Variants in BANK1 observed in about 807,000 individuals in gnomAD.
BANK1 encodes B cell scaffold protein with ankyrin repeats 1.
BANK1 carries 95 observed loss-of-function variants against 94.5 expected under a neutral mutation model. The observed-to-expected ratio is 1.00, with a 90% confidence interval of 0.85 to 1.19. BANK1 has a LOEUF of 1.19. Among genes scored for constraint, BANK1 ranks in the 50% most tolerant of loss-of-function variants. BANK1 has a pLI of 0.00. For missense variants in BANK1, 987 were observed against 932.2 expected, an observed-to-expected ratio of 1.06 and a Z score of -0.77; for synonymous variants, 334 against 308.4, an observed-to-expected ratio of 1.08 and a Z score of -0.87.
chr4:101,862,448 T>C, intron 3 of BANK1, 78 bp from the exon 4 acceptor site: 3 of 1,225,014 alleles, frequency 2.4e-6, no homozygotes, highest in Non-Finnish European at 3.4e-6. Flanking sequence ...TTACCTTAAT[T>C]ATAAAGAAAT....
At position 102,074,468 on chromosome 4, in the gene BANK1, A is replaced by AGAGT. The variant is rs1401494771; in HGVS notation, c.*470_*473dup. ...TTCATTTTCTGAATTTCTCACATTCAGAGTTCCAGTCATTATTGTTACATC... is the reference window on the plus strand; with the variant it reads ...TTCATTTTCTGAATTTCTCACATTCAGAGTGAGTTCCAGTCATTATTGTTACATC... On this transcript the variant is annotated 3_prime_UTR_variant, in exon 17 of 17. Coordinates refer to ENST00000322953, the MANE Select transcript of BANK1 (RefSeq NM_017935.5). 2.6e-5 allele frequency: 4 copies of AGAGT among 152,072 alleles called. No homozygotes were observed. The highest frequency in any genetic ancestry group is 4.4e-5 in the Non-Finnish European group (3 of 67,920). The allele number at this position is 152,072 out of a possible 1,614,324, so 9.4% of individuals were successfully genotyped here.
At chr4:101,902,858 T>C (rs1167146257) in intron 6 of BANK1, among the ~76,000 whole-genome samples, 1 of 152,250 alleles carries the variant, frequency 6.6e-6, no homozygotes, top group Non-Finnish European at 1.5e-5. Flanking sequence ...AAGAGGTGTA[T>C]GAGCCCTAAT....
chr4:101,917,914 G>T (rs1722878321), intron 6 of BANK1, 79 bp from the exon 7 acceptor site: 4 of 987,418 alleles, frequency 4.1e-6, no homozygotes, highest in African/African-American at 1.6e-5. Flanking sequence ...TTACTTTTAG[G>T]AGCAGATTGT....
chr4:101,881,916 G>A (rs1334013536), intron 5 of BANK1, among the ~76,000 whole-genome samples: 1 of 151,748 alleles, frequency 6.6e-6, no homozygotes, highest in Non-Finnish European at 1.5e-5. Context: ...GTTACCAGAG[G>A]CTGGAATGAT....
At chr4:101,988,108 A>T (rs1483602789) in intron 7 of BANK1, among the ~76,000 whole-genome samples, 1 of 152,188 alleles carries the variant, frequency 6.6e-6, no homozygotes, top group East Asian at 1.9e-4. Flanking sequence ...GGTTGCTACC[A>T]AAACCGAGCT....
intron 2 of BANK1, among the ~76,000 whole-genome samples, chr4:101,845,944 C>T (rs1261602773): frequency 6.6e-6 from 1 of 152,102 alleles, no homozygotes; most frequent in Admixed American, 6.5e-5. Flanking sequence ...ATACATGTGC[C>T]ATGTTGGTGT....
chr4:102,030,183 C>G lies in BANK1; in HGVS notation c.1818C>G (p.Phe606Leu), dbSNP rs1017216571. 2 of 1,613,802 alleles carry G rather than the reference C, an allele frequency of 1.2e-6. No individual in the cohort carries two copies. Among genetic ancestry groups the G allele is most frequent in the Non-Finnish European group, 1.7e-6 (2 of 1,179,882 alleles). Residue 606 changes from phenylalanine (F) to leucine (L), a missense_variant, in exon 10 of 17, where the codon TTC becomes TTG. By Grantham distance (22) the Phe-to-Leu change is conservative. Coordinates refer to ENST00000322953, the MANE Select transcript of BANK1 (RefSeq NM_017935.5). ...AGAAAAAAACTGGGAGTCGGTCTTT[C>G]ATTATAAATAGACCTCCTGCCCCCA... ...SIKKKTGSRS[F>L]IINRPPAPTP...
At position 102,072,703 on chromosome 4, in the gene BANK1, T is replaced by C. The variant is rs7655285; in HGVS notation, c.2298+303T>C. Among the ~76,000 whole-genome samples the C allele has an allele frequency of 8.5e-3, 1,288 of 152,326 alleles. 20 individuals are homozygous for C. Among genetic ancestry groups the C allele is most frequent in the African/African-American group, 0.03 (1,227 of 41,572 alleles). On this transcript the variant is annotated intron_variant, in intron 15 of 16. Transcript: ENST00000322953. ...TACATGTGTTTTAACAATAGAAATA[T>C]GATAAGTCTACTGTGTTTGAATCAC... is the stretch of plus-strand genomic sequence containing the variant.
Position 101,790,847 on chromosome 4 carries a change from G to C in BANK1, c.-34G>C. 1 of 1,532,598 alleles carries C rather than the reference G, an allele frequency of 6.5e-7. No homozygotes were observed. The allele number at this position is 1,532,598 out of a possible 1,614,324, so 94.9% of individuals were successfully genotyped here. ...GAGTCCAGGTAGCGCTCGGCGGGCA[G>C]CAGTGCGCAGGCCCCTCGGCTTCAA... On this transcript the variant is annotated 5_prime_UTR_variant, in exon 1 of 17. Coordinates refer to ENST00000322953, the MANE Select transcript of BANK1 (RefSeq NM_017935.5).
chr4:101,873,365 A>G (rs1051213491), intron 5 of BANK1, among the ~76,000 whole-genome samples: 1 of 152,180 alleles, frequency 6.6e-6, no homozygotes, highest in Non-Finnish European at 1.5e-5. Flanking sequence ...TAGTAGTAAG[A>G]TCTTTCTCAT....
chr4:102,029,938 C>A, intron 9 of BANK1, 22 bp from the exon 10 acceptor site: 1 of 1,575,028 alleles, frequency 6.3e-7, no homozygotes, highest in South Asian at 1.2e-5. Flanking sequence ...GAGTAAACAC[C>A]ATGTAAATAT....
At chr4:102,072,731 T>C (rs1194273471) in intron 15 of BANK1, among the ~76,000 whole-genome samples, 1 of 152,186 alleles carries the variant, frequency 6.6e-6, no homozygotes, top group African/African-American at 2.4e-5. Flanking sequence ...TGAATCACAA[T>C]GTATACAGTC....
In BANK1 at chr4:102,025,450, C is replaced by G. The variant is rs1727055755; in HGVS notation, c.1535C>G (p.Pro512Arg). 2 of 1,614,094 alleles carry G rather than the reference C, an allele frequency of 1.2e-6. No homozygotes were observed. The highest frequency in any genetic ancestry group is 4.5e-5 in the East Asian group (2 of 44,876). Residue 512 changes from proline (P) to arginine (R), a missense_variant, in exon 9 of 17, where the codon CCC becomes CGC. By Grantham distance (103) the Pro-to-Arg change is moderately radical. Transcript: ENST00000322953. ...EPLMSSRPPL[P>R]PPRPVANAFQ... ...CTCATGAGCAGCAGACCTCCTCTCCCCCCGCCGCGACCTGTAGCTAATGCC... is the reference window on the plus strand; with the variant it reads ...CTCATGAGCAGCAGACCTCCTCTCCGCCCGCCGCGACCTGTAGCTAATGCC...
intron 3 of BANK1, among the ~76,000 whole-genome samples, chr4:101,858,768 G>A (rs941380057): frequency 2.0e-5 from 3 of 152,140 alleles, no homozygotes; most frequent in African/African-American, 7.2e-5. Context: ...GGCTTTATCA[G>A]CATTTGGATC....
chr4:101,999,537 A>G (rs1471980930), intron 7 of BANK1, among the ~76,000 whole-genome samples: 1 of 152,168 alleles, frequency 6.6e-6, no homozygotes, highest in Non-Finnish European at 1.5e-5. Flanking sequence ...TTATTCATTT[A>G]CTCATCACTC....
intron 13 of BANK1, among the ~76,000 whole-genome samples, chr4:102,069,451 A>G (rs1728689663): frequency 6.6e-6 from 1 of 152,236 alleles, no homozygotes; most frequent in Admixed American, 6.5e-5. Flanking sequence ...AAGTATAATG[A>G]ATTACCATTT....
chr4:102,062,892 T>A (rs1228713540), intron 12 of BANK1, 183 bp from the exon 13 acceptor site: 5 of 555,776 alleles, frequency 9.0e-6, no homozygotes, highest in African/African-American at 1.9e-5. Flanking sequence ...TACATCCACT[T>A]CATTAAGCTG....
intron 7 of BANK1, among the ~76,000 whole-genome samples, chr4:101,940,292 T>G (rs932327666): frequency 6.6e-6 from 1 of 151,372 alleles, no homozygotes; most frequent in Non-Finnish European, 1.5e-5. Context: ...TTTTTAAAAA[T>G]CAACTTAGTA....
intron 7 of BANK1, among the ~76,000 whole-genome samples, chr4:102,018,495 C>G (rs1437823595): frequency 6.6e-6 from 1 of 152,176 alleles, no homozygotes. Flanking sequence ...ATATTATGAT[C>G]AATTTGTACA....
Sources: gnomAD v4.1 joint callset for allele counts (sites outside exome capture counted in the v4.1 genomes callset) on GRCh38, gnomAD v4.1.1 for gene constraint, MANE v1.5 for transcripts, NCBI Gene and HGNC (gene_info 2026-07-23, HGNC 2026-07-21) for gene names.